Variants in ADAMTS20 observed in about 807,000 individuals in gnomAD.
ADAMTS20 encodes the protein ADAM metallopeptidase with thrombospondin type 1 motif 20.
A neutral mutation model predicts 260.1 loss-of-function variants in ADAMTS20; 225 were observed. That is an observed-to-expected ratio of 0.87 (90% CI 0.78 to 0.97). ADAMTS20 has a LOEUF of 0.97. Ranked by LOEUF, ADAMTS20 falls within the 50% of genes least tolerant of loss-of-function variation. The pLI is 0.00. For synonymous variants in ADAMTS20, 802 were observed against 769.5 expected (o/e 1.04, Z -0.70); for missense variants, 2,400 against 2,337.7 (o/e 1.03, Z -0.55).
rs185168468 is a variant in ADAMTS20 at position 43,417,983 on chromosome 12, G to A, written c.4284+7531C>T. 7.7e-4 allele frequency among the ~76,000 whole-genome samples: 117 copies of A among 152,292 alleles called. 1 individual carries two copies. The highest frequency in any genetic ancestry group is 2.6e-3 in the African/African-American group (110 of 41,584). On this transcript the variant is annotated intron_variant, in intron 28 of 38. Transcript: ENST00000389420. ...GTAGTGAGATGAGGAGTGCCAGGAG[G>A]AACTGCAACTACAACTGCTGCTGCT...
chr12:43,431,228 G>T, intron 22 of ADAMTS20, 104 bp downstream of exon 22: 1 of 1,237,374 alleles, frequency 8.1e-7, no homozygotes, highest in Non-Finnish European at 1.1e-6. Flanking sequence ...AATAAACCAA[G>T]CCAAATTCCA....
At chr12:43,533,439 A>C (rs1943253938) in intron 2 of ADAMTS20, among the ~76,000 whole-genome samples, 1 of 125,084 alleles carries the variant, frequency 8.0e-6, no homozygotes, top group Non-Finnish European at 1.7e-5. Flanking sequence ...GGACCTCTTC[A>C]AGGAGAACTA....
At chr12:43,423,658 G>T in intron 28 of ADAMTS20, 2 of 690,158 alleles carry the variant, frequency 2.9e-6, no homozygotes, top group East Asian at 5.4e-5. Flanking sequence ...GCAGAAAGTG[G>T]ATTTCCAATC....
At chr12:43,414,555 G>A (rs1941093942) in intron 28 of ADAMTS20, among the ~76,000 whole-genome samples, 1 of 151,966 alleles carries the variant, frequency 6.6e-6, no homozygotes, top group African/African-American at 2.4e-5. Flanking sequence ...ACTTCCATAG[G>A]TGCTTCAGAA....
At chr12:43,484,870 C>T (rs533023747) in intron 7 of ADAMTS20, among the ~76,000 whole-genome samples, 1 of 151,840 alleles carries the variant, frequency 6.6e-6, no homozygotes, top group Non-Finnish European at 1.5e-5. Flanking sequence ...AAAATCATTG[C>T]AAAAAGGATA....
At chr12:43,366,319 CAAAAT>C (rs1939985253) in intron 37 of ADAMTS20, among the ~76,000 whole-genome samples, 1 of 151,502 alleles carries the variant, frequency 6.6e-6, no homozygotes, top group Admixed American at 6.6e-5. Context: ...AACAAAATCT[CAAAAT>C]AAATGAAACA....
In ADAMTS20 at chr12:43,462,901, A is replaced by C; in HGVS notation, c.1608T>G (p.Pro536=). The C allele has an allele frequency of 6.2e-7, 1 of 1,602,702 alleles. No individual in the cohort carries two copies. Among genetic ancestry groups the C allele is most frequent in the Non-Finnish European group, 8.5e-7 (1 of 1,173,844 alleles). The change falls in exon 11 of 39, where the codon CCT becomes CCG. Residue 536 remains proline, a synonymous_variant. Transcript: ENST00000389420. Reference sequence around the variant, plus strand: ...ACCCTTCAAGAAAACCTACCATTCCAGGACCGCAGTCTGTTCCATCTGCTG... The same window carrying C: ...ACCCTTCAAGAAAACCTACCATTCCCGGACCGCAGTCTGTTCCATCTGCTG... The part of the protein sequence containing the change: ...VPPADGTDCG[P]GMHCRHGLCV...
chr12:43,501,506 T>TCACACACACACAC (rs1491581398), intron 4 of ADAMTS20, among the ~76,000 whole-genome samples: 1 of 71,314 alleles, frequency 1.4e-5, no homozygotes, highest in Non-Finnish European at 2.9e-5. Context: ...CACACACATG[T>TCACACACACACAC]AAGGATGAAG....
intron 28 of ADAMTS20, among the ~76,000 whole-genome samples, chr12:43,408,529 T>C (rs910984753): frequency 6.6e-5 from 10 of 152,148 alleles, no homozygotes; most frequent in South Asian, 2.1e-4. Context: ...TGCTTTTAAG[T>C]AGGGTTATAA....
intron 28 of ADAMTS20, among the ~76,000 whole-genome samples, chr12:43,408,006 A>C (rs568398061): frequency 1.3e-5 from 2 of 152,254 alleles, no homozygotes; most frequent in Non-Finnish European, 2.9e-5. Flanking sequence ...TCCTGTTTGG[A>C]GTTTTTATTG....
intron 29 of ADAMTS20, among the ~76,000 whole-genome samples, chr12:43,393,527 G>A (rs1478157595): frequency 2.6e-5 from 4 of 152,142 alleles, no homozygotes; most frequent in East Asian, 1.9e-4. Context: ...GCGGAGCAGA[G>A]ATAAGGAAAT....
intron 3 of ADAMTS20, among the ~76,000 whole-genome samples, chr12:43,520,270 G>A (rs1393759218): frequency 2.6e-5 from 4 of 152,116 alleles, no homozygotes; most frequent in South Asian, 2.1e-4. Context: ...AAAAACAAGC[G>A]CTTAAGTTAA....
chr12:43,512,778 T>C (rs961006142), intron 3 of ADAMTS20, among the ~76,000 whole-genome samples: 1 of 152,182 alleles, frequency 6.6e-6, no homozygotes, highest in Non-Finnish European at 1.5e-5. Flanking sequence ...TGACACAGAT[T>C]AGGTGAAATT....
chr12:43,454,447 T>C (rs1941928221), intron 11 of ADAMTS20, among the ~76,000 whole-genome samples: 1 of 152,238 alleles, frequency 6.6e-6, no homozygotes. Context: ...TTCTACTTTA[T>C]TCTATCCGAA....
At chr12:43,410,480 AT>A (rs1488110808) in intron 28 of ADAMTS20, among the ~76,000 whole-genome samples, 3 of 152,238 alleles carry the variant, frequency 2.0e-5, no homozygotes, top group Non-Finnish European at 4.4e-5. Flanking sequence ...AAGGAGCAAC[AT>A]TTCAAAGTAC....
intron 2 of ADAMTS20, among the ~76,000 whole-genome samples, chr12:43,547,866 T>C: frequency 6.6e-6 from 1 of 152,166 alleles, no homozygotes; most frequent in Non-Finnish European, 1.5e-5. Flanking sequence ...CCATAAGTTC[T>C]CAGGCCCAGA....
At chr12:43,377,036 A>C (rs1940245476) in intron 32 of ADAMTS20, among the ~76,000 whole-genome samples, 1 of 152,234 alleles carries the variant, frequency 6.6e-6, no homozygotes, top group Non-Finnish European at 1.5e-5. Flanking sequence ...TATGATATAA[A>C]TAACTTTTAT....
intron 37 of ADAMTS20, among the ~76,000 whole-genome samples, chr12:43,360,470 T>G (rs145410374): frequency 2.9e-3 from 433 of 151,786 alleles, no homozygotes; most frequent in Non-Finnish European, 5.4e-3. Flanking sequence ...TAAAAATAAA[T>G]TTTAAAATAA....
At chr12:43,367,973 C>T (rs914074609) in intron 37 of ADAMTS20, among the ~76,000 whole-genome samples, 11 of 151,980 alleles carry the variant, frequency 7.2e-5, no homozygotes, top group African/African-American at 2.7e-4. Context: ...CTATTAATGC[C>T]TCTGGAGGAA....
Sources: gnomAD v4.1 joint callset for allele counts (sites outside exome capture counted in the v4.1 genomes callset) on GRCh38, gnomAD v4.1.1 for gene constraint, MANE v1.5 for transcripts, NCBI Gene and HGNC (gene_info 2026-07-23, HGNC 2026-07-21) for gene names.